CCDC47: variants seen among roughly 807,000 people sequenced by gnomAD.
CCDC47 encodes coiled-coil domain containing 47.
A neutral mutation model predicts 60.5 loss-of-function variants in CCDC47; 41 were observed. The ratio of observed to expected loss-of-function variants is 0.68; its 90% CI spans 0.53 to 0.88. The LOEUF is 0.88. CCDC47 is among the 40% of genes least tolerant of loss of function. The pLI is 0.00. For missense variants in CCDC47, 513 were observed against 580.9 expected (o/e 0.88, Z 1.20); for synonymous variants, 195 against 190.7 (o/e 1.02, Z -0.18).
Position 63,760,972 on chromosome 17 carries a change from T to A in CCDC47, c.677A>T (p.Lys226Met). ...EGMLIQLRFL[K>M]RQDLLNVLAR... ...CAGGACATTCAGTAAGTCTTGTCTC[T>A]TGAGGAACTGAAAAAAATGAGAGAA... is the stretch of plus-strand genomic sequence containing the variant. Residue 226 changes from lysine to methionine, a missense_variant, in exon 6 of 13, where the codon AAG becomes ATG. Physicochemically the swap from Lys to Met is moderately conservative, Grantham distance 95 (BLOSUM62 -1). Transcript: ENST00000225726. The A allele has an allele frequency of 6.2e-7, 1 of 1,613,506 alleles. No homozygotes were observed. The highest frequency in any genetic ancestry group is 8.5e-7 in the Non-Finnish European group (1 of 1,179,534).
At chr17:63,747,037 T>TA (rs1021590518) in intron 12 of CCDC47, 76 bp from the exon 13 acceptor site, 191 of 1,540,222 alleles carry the variant, frequency 1.2e-4, no homozygotes, top group Admixed American at 4.7e-4. Context: ...AAACATATGT[T>TA]AAAAAAAAAT....
At chr17:63,768,808 A>C (rs1312084310) in intron 1 of CCDC47, among the ~76,000 whole-genome samples, 2 of 151,954 alleles carry the variant, frequency 1.3e-5, no homozygotes, top group African/African-American at 2.4e-5. Context: ...AAATTAGCCA[A>C]GTCTCACGCT....
intron 7 of CCDC47, 34 bp downstream of exon 7, chr17:63,756,435 C>T (rs75208831): frequency 0.029 from 46,277 of 1,580,166 alleles, 839 homozygotes; most frequent in Non-Finnish European, 0.032. Context: ...AGACACAGTT[C>T]TACGTATATT....
chr17:63,747,014 C>A, intron 12 of CCDC47, 53 bp from the exon 13 acceptor site: 1 of 1,591,862 alleles, frequency 6.3e-7, no homozygotes, highest in South Asian at 1.1e-5. Flanking sequence ...CGAGAGAATT[C>A]AAATTAAGCT....
chr17:63,754,314 G>A (rs2039188822), intron 9 of CCDC47, 119 bp downstream of exon 9: 2 of 672,184 alleles, frequency 3.0e-6, no homozygotes, highest in Non-Finnish European at 5.4e-6. Context: ...AAATGTGGAG[G>A]CCTGTCACCA....
rs1306590550 is a variant in CCDC47 at position 63,761,242 on chromosome 17, A to G, written c.657T>C (p.Leu219=). Residue 219 remains leucine (L), a synonymous_variant, in exon 5 of 13, where the codon CTT becomes CTC. Transcript: ENST00000225726. Reference sequence around the variant, plus strand: ...GTTTCCTACTTACCCTCAGCTGGATAAGCATGCCCTCACAGCACACTCGAC... The same window carrying G: ...GTTTCCTACTTACCCTCAGCTGGATGAGCATGCCCTCACAGCACACTCGAC... ...CSGRVCCEGM[L]IQLRFLKRQD... 1.2e-6 allele frequency: 2 copies of G among 1,614,136 alleles called. No individual in the cohort carries two copies. Among genetic ancestry groups the G allele is most frequent in the African/African-American group, 1.3e-5 (1 of 75,030 alleles).
chr17:63,767,701 AT>A (rs1273022540), intron 1 of CCDC47, among the ~76,000 whole-genome samples: 1 of 152,082 alleles, frequency 6.6e-6, no homozygotes, highest in Non-Finnish European at 1.5e-5. Flanking sequence ...TCTCTGCTGC[AT>A]ATTGTTCTTT....
intron 6 of CCDC47, among the ~76,000 whole-genome samples, chr17:63,760,668 G>C (rs913601705): frequency 1.3e-5 from 2 of 151,928 alleles, no homozygotes; most frequent in Admixed American, 6.6e-5. Context: ...GTGAAACCCT[G>C]ACTCTACTAA....
chr17:63,764,818 A>G lies in CCDC47; in HGVS notation c.294T>C (p.Asp98=). Residue 98 remains aspartate, a synonymous_variant, in exon 3 of 13, where the codon GAT becomes GAC. Transcript: ENST00000225726. The part of the protein sequence containing the change: ...QEGDTESEPY[D]DEEFEGYEDK... ...CTTCATAACCTTCAAATTCTTCATC[A>G]TCATATGGTTCACTCTCAGTATCTC... 6.2e-7 allele frequency: 1 copy of G among 1,613,398 alleles called. No individual in the cohort carries two copies. Among genetic ancestry groups the G allele is most frequent in the East Asian group, 2.2e-5 (1 of 44,832 alleles).
chr17:63,770,301 T>G (rs1383911666), intron 1 of CCDC47, among the ~76,000 whole-genome samples: 1 of 152,066 alleles, frequency 6.6e-6, no homozygotes, highest in Non-Finnish European at 1.5e-5. Context: ...AGTGTACTTT[T>G]GTCACTAGAG....
At chr17:63,770,665 T>C (rs907812149) in intron 1 of CCDC47, among the ~76,000 whole-genome samples, 12 of 152,160 alleles carry the variant, frequency 7.9e-5, no homozygotes, top group African/African-American at 1.4e-4. Flanking sequence ...TCGAATGCCT[T>C]GCAATCCATG....
In CCDC47 at chr17:63,764,056, G is replaced by T. The variant is rs2144492382; in HGVS notation, c.507C>A (p.Asn169Lys). 1 of 1,610,602 alleles carries T rather than the reference G, an allele frequency of 6.2e-7. No homozygotes were observed. Among genetic ancestry groups the T allele is most frequent in the Non-Finnish European group, 8.5e-7 (1 of 1,179,172 alleles). ...KNSRLAQAWFNTHRELLESNF... is the reference protein window; with the variant it reads ...KNSRLAQAWFKTHRELLESNF... ...TGCTCTCCAAAAGCTCCCTATGAGT[G>T]TTAAACCAGGCCTGTGCAAGGCGAC... is the stretch of plus-strand genomic sequence containing the variant. Residue 169 changes from asparagine to lysine, a missense_variant, in exon 4 of 13, where the codon AAC becomes AAA. Physicochemically the swap from Asn to Lys is moderately conservative, Grantham distance 94 (BLOSUM62 0). Transcript: ENST00000225726.
chr17:63,758,680 A>T (rs1598307949), intron 6 of CCDC47, among the ~76,000 whole-genome samples: 2 of 152,290 alleles, frequency 1.3e-5, no homozygotes. Flanking sequence ...AAGATAAAAA[A>T]TTATAAGCCT....
intron 1 of CCDC47, among the ~76,000 whole-genome samples, chr17:63,767,916 G>C (rs987394955): frequency 6.6e-6 from 1 of 151,996 alleles, no homozygotes; most frequent in African/African-American, 2.4e-5. Flanking sequence ...TTTTTCCTTT[G>C]AAATCTATCA....
At chr17:63,747,365 T>C in intron 12 of CCDC47, 1 of 984,106 alleles carries the variant, frequency 1.0e-6, no homozygotes, top group Non-Finnish European at 1.2e-6. Context: ...TCAATAAATT[T>C]TAAGAATCTT....
intron 9 of CCDC47, chr17:63,753,165 C>T (rs1568246752): frequency 1.9e-6 from 1 of 535,946 alleles, no homozygotes; most frequent in Non-Finnish European, 2.4e-6. Context: ...ATTTCCAACT[C>T]CTATTCTATC....
Position 63,750,707 on chromosome 17 carries a change from C to T in CCDC47, c.1371+1233G>A, listed in dbSNP as rs573374158. ...TCAAGCAATTCTCCTGCCTCAGCCT[C>T]CTGAGTAGCTGGGATTACAGGCACG... On this transcript the variant is annotated intron_variant, in intron 12 of 12. Transcript: ENST00000225726. Among the ~76,000 whole-genome samples, 7 of 152,166 alleles carry T rather than the reference C, an allele frequency of 4.6e-5. No homozygotes were observed. In the South Asian group the frequency reaches 1.5e-3, roughly 32 times the overall value.
chr17:63,752,292 T>C, intron 11 of CCDC47, 28 bp downstream of exon 11: 2 of 1,537,426 alleles, frequency 1.3e-6, no homozygotes, highest in South Asian at 1.1e-5. Flanking sequence ...AAGGTGCCAA[T>C]TTATATAATA....
In CCDC47 at chr17:63,754,484, A is replaced by G. The variant is rs1250543127; in HGVS notation, c.983T>C (p.Ile328Thr). The G allele has an allele frequency of 6.2e-7, 1 of 1,609,620 alleles. No homozygotes were observed. The highest frequency in any genetic ancestry group is 8.5e-7 in the Non-Finnish European group (1 of 1,177,618). Reference protein sequence around the residue: ...VHFLTHYADKIESVHFSDQFS... With the variant: ...VHFLTHYADKTESVHFSDQFS... ...CTGGTCTGAAAAATGAACAGATTCA[A>G]TCTTGTCAGCATAGTGTGTAAGAAA... The change falls in exon 9 of 13, where the codon ATT (isoleucine) becomes ACT (threonine). Residue 328 changes from isoleucine to threonine, a missense_variant. Physicochemically the swap from Ile to Thr is moderately conservative, Grantham distance 89. Coordinates refer to ENST00000225726, the MANE Select transcript of CCDC47 (RefSeq NM_020198.3).
Sources: gnomAD v4.1 joint callset for allele counts (sites outside exome capture counted in the v4.1 genomes callset) on GRCh38, gnomAD v4.1.1 for gene constraint, MANE v1.5 for transcripts, NCBI Gene and HGNC (gene_info 2026-07-23, HGNC 2026-07-21) for gene names.